Variants in ZHX3 observed in about 807,000 individuals in gnomAD.
The protein encoded by ZHX3 is zinc fingers and homeoboxes protein 3.
A neutral mutation model predicts 64.5 loss-of-function variants in ZHX3; 20 were observed. That is an observed-to-expected ratio of 0.31 (90% confidence interval 0.22 to 0.45). The LOEUF (loss-of-function observed/expected upper bound fraction) is 0.45. ZHX3 is among the 20% of genes least tolerant of loss of function. The pLI, the probability that ZHX3 is intolerant of heterozygous loss-of-function variation, is 1.00. For missense variants in ZHX3, 1,041 were observed against 1,195.8 expected, an observed-to-expected ratio of 0.87 and a Z score of 1.91; for synonymous variants, 423 against 461.6, an observed-to-expected ratio of 0.92 and a Z score of 1.07.
intron 2 of ZHX3, among the ~76,000 whole-genome samples, chr20:41,247,602 C>T (rs1054224922): frequency 1.3e-5 from 2 of 151,998 alleles, no homozygotes; most frequent in African/African-American, 4.8e-5. Context: ...TTTTTGCCTC[C>T]TTCCTCTTCC....
chr20:41,315,602 A>T (rs923512116), intron 1 of ZHX3, among the ~76,000 whole-genome samples: 1 of 152,034 alleles, frequency 6.6e-6, no homozygotes, highest in Non-Finnish European at 1.5e-5. Context: ...TAAGACAAAA[A>T]GCTATTGGAG....
chr20:41,193,509 C>A (rs1315159985), intron 3 of ZHX3, among the ~76,000 whole-genome samples: 1 of 152,156 alleles, frequency 6.6e-6, no homozygotes, highest in African/African-American at 2.4e-5. Flanking sequence ...TAGGGTCTCA[C>A]TATGTTGCCC....
chr20:41,268,836 T>TA (rs2042989866), intron 2 of ZHX3, 154 bp downstream of exon 2: 1 of 152,068 alleles, frequency 6.6e-6, no homozygotes, highest in African/African-American at 2.4e-5. Flanking sequence ...ACTTCAGCAA[T>TA]AAAAAACAAG....
intron 2 of ZHX3, among the ~76,000 whole-genome samples, chr20:41,218,302 G>C (rs1268565527): frequency 1.3e-5 from 2 of 152,064 alleles, no homozygotes; most frequent in African/African-American, 4.8e-5. Context: ...AAAATAGCTG[G>C]CATGGTGACA....
chr20:41,279,752 A>G (rs928629121), intron 1 of ZHX3, among the ~76,000 whole-genome samples: 6 of 152,232 alleles, frequency 3.9e-5, no homozygotes, highest in African/African-American at 1.4e-4. Flanking sequence ...AAATGCCATC[A>G]GGACTGACTG....
intron 1 of ZHX3, among the ~76,000 whole-genome samples, chr20:41,271,410 C>T (rs960261436): frequency 6.6e-6 from 1 of 152,210 alleles, no homozygotes; most frequent in Admixed American, 6.5e-5. Flanking sequence ...AACACCCTTA[C>T]TCAACCAAGG....
chr20:41,194,215 G>A (rs2037293168), intron 3 of ZHX3, among the ~76,000 whole-genome samples: 1 of 152,146 alleles, frequency 6.6e-6, no homozygotes, highest in African/African-American at 2.4e-5. Flanking sequence ...TGAGTATGAT[G>A]TTAATTGTGG....
intron 2 of ZHX3, among the ~76,000 whole-genome samples, chr20:41,246,314 A>G (rs952679516): frequency 8.5e-5 from 13 of 152,236 alleles, no homozygotes; most frequent in Non-Finnish European, 1.8e-4. Context: ...AAGGTTCTCT[A>G]ATTTCTGAAA....
chr20:41,238,771 G>A (rs1335897198), intron 2 of ZHX3: 2 of 152,078 alleles, frequency 1.3e-5, no homozygotes, highest in Non-Finnish European at 2.9e-5. Flanking sequence ...CTCCAAGGCA[G>A]GGTCTTGGTC....
chr20:41,234,593 C>T (rs1257203950), intron 2 of ZHX3, among the ~76,000 whole-genome samples: 1 of 152,224 alleles, frequency 6.6e-6, no homozygotes, highest in African/African-American at 2.4e-5. Flanking sequence ...AGGGAACTGG[C>T]TTCTTGAGCA....
At chr20:41,238,582 AC>A (rs2041165725) in intron 2 of ZHX3, 1 of 152,184 alleles carries the variant, frequency 6.6e-6, no homozygotes, top group Admixed American at 6.5e-5. Context: ...CAGGATAAAA[AC>A]CTACAAATTC....
chr20:41,256,787 C>G (rs2042276246), intron 2 of ZHX3, among the ~76,000 whole-genome samples: 3 of 151,700 alleles, frequency 2.0e-5, no homozygotes. Context: ...CCCTTTGCAC[C>G]ATTCTTCATC....
chr20:41,183,119 C>T lies in ZHX3; in HGVS notation c.*2072G>A, dbSNP rs903893035. 3.3e-5 allele frequency: 5 copies of T among 152,258 alleles called. No individual in the cohort carries two copies. The highest frequency in any genetic ancestry group is 1.2e-4 in the African/African-American group (5 of 41,456). The allele number at this position is 152,258 out of a possible 1,614,324, so 9.4% of individuals were successfully genotyped here. A position where few individuals can be genotyped will look rare whatever the true frequency, so the allele number is the denominator to read the frequency against. The stretch of plus-strand genomic sequence containing the variant: ...ACCCATGTGCCACCAAGTTTCTCAA[C>T]TGCACACGCCAGATGCGCGTTTTAC... On this transcript the variant is annotated 3_prime_UTR_variant, in exon 4 of 4. Coordinates refer to ENST00000683867, the MANE Select transcript of ZHX3 (RefSeq NM_001384317.1). This position sits in a 1 kb window ranked among gnomAD's most constrained non-coding sequence, Gnocchi z 5.3.
chr20:41,291,194 C>T (rs1288971155), intron 1 of ZHX3, among the ~76,000 whole-genome samples: 1 of 152,178 alleles, frequency 6.6e-6, no homozygotes, highest in Non-Finnish European at 1.5e-5. Flanking sequence ...TTCCCCCATG[C>T]AGTGTTCTTT....
intron 2 of ZHX3, among the ~76,000 whole-genome samples, chr20:41,253,946 G>A (rs2042112399): frequency 6.6e-6 from 1 of 151,518 alleles, no homozygotes; most frequent in Non-Finnish European, 1.5e-5. Context: ...ATAATAAAAT[G>A]TTGGAAAAAA....
At chr20:41,280,916 A>C (rs1339518209) in intron 1 of ZHX3, among the ~76,000 whole-genome samples, 1 of 152,196 alleles carries the variant, frequency 6.6e-6, no homozygotes, top group East Asian at 1.9e-4. Flanking sequence ...AGAGGAAAAG[A>C]AATTACCAAA....
Position 41,202,957 on chromosome 20 carries a change from G to T in ZHX3, c.1960C>A (p.Arg654=). Residue 654 remains arginine (R), a synonymous_variant, in exon 3 of 4, where the codon CGA becomes AGA. Coordinates refer to ENST00000683867, the MANE Select transcript of ZHX3 (RefSeq NM_001384317.1). The surrounding 1 kb of genome is among the most constrained non-coding windows in gnomAD (Gnocchi z 7.0). The part of the protein sequence containing the change: ...RLRSETKMTR[R]EIDSWFSERR... ...TCTGAAAACCAGCTATCAATTTCTC[G>T]TCGGGTCATTTTGGTTTCACTTCTC... The T allele has an allele frequency of 1.2e-6, 2 of 1,613,898 alleles. No homozygotes were observed. The highest frequency in any genetic ancestry group is 1.7e-6 in the Non-Finnish European group (2 of 1,180,006).
chr20:41,310,788 A>G (rs1305207334), intron 1 of ZHX3, among the ~76,000 whole-genome samples: 4 of 148,736 alleles, frequency 2.7e-5, no homozygotes, highest in African/African-American at 7.4e-5. Flanking sequence ...CCCAACCCAG[A>G]TAGTTAATTC....
chr20:41,316,174 T>C (rs1415185606), intron 1 of ZHX3, among the ~76,000 whole-genome samples: 1 of 152,176 alleles, frequency 6.6e-6, no homozygotes, highest in Non-Finnish European at 1.5e-5. Context: ...TTGGTTAATA[T>C]GTTGATCATT....
Sources: gnomAD v4.1 joint callset for allele counts (sites outside exome capture counted in the v4.1 genomes callset) on GRCh38, gnomAD v4.1.1 for gene constraint, Gnocchi (gnomAD v3.1) non-coding constraint, MANE v1.5 for transcripts, NCBI Gene and HGNC (gene_info 2026-07-23, HGNC 2026-07-21) for gene names.